The following KDM2B variants were observed in gnomAD, a reference collection of about 807,000 sequenced individuals.
KDM2B encodes the protein lysine demethylase 2B, also known as lysine-specific demethylase 2B.
KDM2B carries 26 observed loss-of-function variants against 150.0 expected under a neutral mutation model. The observed-to-expected ratio is 0.17, with a 90% confidence interval of 0.13 to 0.24. The LOEUF is 0.24. Among genes scored for constraint, KDM2B ranks in the 10% least tolerant of loss-of-function variants. The pLI, the probability that KDM2B is intolerant of heterozygous loss-of-function variation, is 1.00. For synonymous variants in KDM2B, 734 were observed against 729.5 expected (o/e 1.01, Z -0.10); for missense variants, 1,265 against 1,816.9 (o/e 0.70, Z 5.52).
At chr12:121,501,336 G>A (rs914534896) in intron 11 of KDM2B, among the ~76,000 whole-genome samples, 3 of 151,994 alleles carry the variant, frequency 2.0e-5, no homozygotes, top group South Asian at 2.1e-4. Flanking sequence ...CCAAGATCAC[G>A]TCACTGCACT....
At chr12:121,534,776 G>C (rs1223172820) in intron 6 of KDM2B, 186 bp from the exon 7 acceptor site, 2 of 561,824 alleles carry the variant, frequency 3.6e-6, no homozygotes, top group Admixed American at 3.2e-5. Flanking sequence ...CCTGTGATCA[G>C]GTGACAAATC....
chr12:121,513,235 G>T lies in KDM2B; in HGVS notation c.1174+41C>A. On this transcript the variant is annotated intron_variant, in intron 10 of 22. Coordinates refer to ENST00000377071, the MANE Select transcript of KDM2B (RefSeq NM_032590.5). This position sits in a 1 kb window ranked among gnomAD's most constrained non-coding sequence, Gnocchi z 5.0. ...CACTGAGAAAATGATTTCTGCCCCAGCTGTGCAGCCGAGGCCGTGGGCTCC... is the reference window on the plus strand; with the variant it reads ...CACTGAGAAAATGATTTCTGCCCCATCTGTGCAGCCGAGGCCGTGGGCTCC... The T allele has an allele frequency of 6.2e-7, 1 of 1,600,416 alleles. No homozygotes were observed. Among genetic ancestry groups the T allele is most frequent in the Non-Finnish European group, 8.6e-7 (1 of 1,169,358 alleles).
At chr12:121,464,539 T>C (rs1488173731) in intron 12 of KDM2B, among the ~76,000 whole-genome samples, 1 of 151,972 alleles carries the variant, frequency 6.6e-6, no homozygotes, top group African/African-American at 2.4e-5. Context: ...GCACGACAGG[T>C]CTCAGGTGGG....
At chr12:121,517,044 G>T (rs1443037665) in intron 9 of KDM2B, among the ~76,000 whole-genome samples, 4 of 152,030 alleles carry the variant, frequency 2.6e-5, no homozygotes, top group African/African-American at 9.7e-5. Context: ...GGGAGGGGGG[G>T]AAAGATAAAT....
chr12:121,534,670 G>C (rs1302894764), intron 6 of KDM2B, 80 bp from the exon 7 acceptor site: 6 of 980,940 alleles, frequency 6.1e-6, no homozygotes, highest in Admixed American at 2.1e-5. Context: ...CAGAGGTCCT[G>C]AACTGGTGCC....
intron 4 of KDM2B, among the ~76,000 whole-genome samples, chr12:121,557,536 A>G (rs1889997271): frequency 6.6e-6 from 1 of 152,068 alleles, no homozygotes; most frequent in Non-Finnish European, 1.5e-5. Flanking sequence ...CACCGTGCCC[A>G]GCCATGACAA....
chr12:121,563,676 T>C (rs562556735), intron 4 of KDM2B, among the ~76,000 whole-genome samples: 66 of 151,564 alleles, frequency 4.4e-4, no homozygotes, highest in African/African-American at 1.6e-3. Context: ...CCCAGCACTT[T>C]AGGAGGCTGA....
chr12:121,580,748 T>G, intron 1 of KDM2B, 38 bp downstream of exon 1: 1 of 1,568,790 alleles, frequency 6.4e-7, no homozygotes, highest in South Asian at 1.2e-5. Context: ...GGGCTACCCC[T>G]CTTCCTCTTC....
chr12:121,555,802 G>A (rs1199289385), intron 4 of KDM2B, among the ~76,000 whole-genome samples: 2 of 152,322 alleles, frequency 1.3e-5, no homozygotes, highest in Middle Eastern at 3.4e-3. Context: ...AGGAATTGGT[G>A]TGTGGTGTTT....
intron 4 of KDM2B, among the ~76,000 whole-genome samples, chr12:121,554,349 G>A (rs1262026940): frequency 6.6e-6 from 1 of 151,922 alleles, no homozygotes; most frequent in Admixed American, 6.6e-5. Context: ...TAATCTGGGA[G>A]TGTTTCCAAA....
chr12:121,534,986 G>C, intron 6 of KDM2B, among the ~76,000 whole-genome samples: 1 of 152,098 alleles, frequency 6.6e-6, no homozygotes, highest in Non-Finnish European at 1.5e-5. Flanking sequence ...GTTCTCCCAA[G>C]CTGCCAGCCC....
At chr12:121,441,444 T>G (rs1555288275) in intron 19 of KDM2B, among the ~76,000 whole-genome samples, 1 of 152,052 alleles carries the variant, frequency 6.6e-6, no homozygotes, top group East Asian at 1.9e-4. Context: ...ATCAAGTATG[T>G]ATGTATGTAT....
chr12:121,439,464 TC>T (rs202190059), intron 22 of KDM2B, among the ~76,000 whole-genome samples: 1 of 121,978 alleles, frequency 8.2e-6, no homozygotes, highest in African/African-American at 2.7e-5. Flanking sequence ...CACGGCGACC[TC>T]CACTGCCAGT....
intron 6 of KDM2B, among the ~76,000 whole-genome samples, chr12:121,543,944 G>A (rs910742696): frequency 1.3e-5 from 2 of 151,744 alleles, no homozygotes; most frequent in South Asian, 2.1e-4. Context: ...CCAACATGGC[G>A]AAACCCCATA....
the KDM2B span, among the ~76,000 whole-genome samples, chr12:121,422,670 G>A: frequency 1.3e-5 from 2 of 152,202 alleles, no homozygotes; most frequent in African/African-American, 4.8e-5. Flanking sequence ...CCTCTGACCT[G>A]TAGAAAGGGA....
chr12:121,488,923 C>G (rs564574177), intron 12 of KDM2B, among the ~76,000 whole-genome samples: 1 of 152,286 alleles, frequency 6.6e-6, no homozygotes, highest in Non-Finnish European at 1.5e-5. Flanking sequence ...TCCTTCCTGC[C>G]TGAGCCTCTC....
At chr12:121,509,064 C>CTT (rs1356363142) in intron 11 of KDM2B, among the ~76,000 whole-genome samples, 8 of 151,902 alleles carry the variant, frequency 5.3e-5, no homozygotes, top group African/African-American at 1.9e-4. Flanking sequence ...CTCTACAGCT[C>CTT]TTTTGTTTTT....
chr12:121,503,831 T>C (rs533522929), intron 11 of KDM2B, among the ~76,000 whole-genome samples: 1 of 152,192 alleles, frequency 6.6e-6, no homozygotes, highest in Non-Finnish European at 1.5e-5. Context: ...ACACTGCAGT[T>C]TCACCCAAGG....
At chr12:121,579,143 G>A (rs1486649382) in intron 1 of KDM2B, among the ~76,000 whole-genome samples, 197 bp from the exon 2 acceptor site, 4 of 152,276 alleles carry the variant, frequency 2.6e-5, no homozygotes, top group African/African-American at 9.6e-5. Flanking sequence ...CGAGGGTCCA[G>A]CTGCGCTCTA....
Sources: allele counts gnomAD v4.1 joint callset (sites outside exome capture counted in the v4.1 genomes callset), GRCh38; gene constraint gnomAD v4.1.1; non-coding constraint Gnocchi (gnomAD v3.1); transcripts MANE v1.5; gene names NCBI Gene and HGNC (gene_info 2026-07-23, HGNC 2026-07-21).